CEP57: variants seen among roughly 807,000 people sequenced by gnomAD.
CEP57 encodes centrosomal protein of 57 kDa.
Under a neutral mutation model 68.0 loss-of-function variants are expected in CEP57, and 40 were observed. The ratio of observed to expected loss-of-function variants is 0.59; its 90% CI spans 0.46 to 0.77. The LOEUF (loss-of-function observed/expected upper bound fraction) is 0.77, where lower values mean the gene tolerates loss of function less well. Ranked by LOEUF, CEP57 falls within the 30% of genes least tolerant of loss-of-function variation. CEP57 has a pLI of 0.00. For missense variants in CEP57, 606 were observed against 580.7 expected, an observed-to-expected ratio of 1.04 and a Z score of -0.45; for synonymous variants, 219 against 198.7, an observed-to-expected ratio of 1.10 and a Z score of -0.86.
rs373588034 is a variant in CEP57, at chr11:95,829,265, G to A, written c.1206G>A (p.Glu402=). 1.3e-5 allele frequency: 21 copies of A among 1,613,912 alleles called. No homozygotes were observed. In the African/African-American group the frequency reaches 2.5e-4, roughly 20 times the overall value. The part of the protein sequence containing the change: ...ELKDKLECEL[E]ALVGRMEAKA... ...AAGACAAGTTGGAGTGTGAATTGGA[G>A]GCATTAGTGGGAAGGATGGAAGCAA... Residue 402 remains glutamate (E), a synonymous_variant, in exon 10 of 11, where the codon GAG becomes GAA. Transcript: ENST00000325542.
chr11:95,808,858 T>TA (rs1356828647), intron 2 of CEP57, among the ~76,000 whole-genome samples: 1 of 152,190 alleles, frequency 6.6e-6, no homozygotes, highest in Non-Finnish European at 1.5e-5. Flanking sequence ...GCGAACCTAA[T>TA]AGACATCTAC....
intron 8 of CEP57, 39 bp from the exon 9 acceptor site, chr11:95,827,747 T>C (rs1449164389): frequency 1.2e-6 from 2 of 1,612,304 alleles, no homozygotes; most frequent in African/African-American, 2.7e-5. Flanking sequence ...GTAGAGAATA[T>C]AACTTCAATT....
intron 9 of CEP57, 130 bp from the exon 10 acceptor site, chr11:95,829,057 A>AAT: frequency 1.0e-6 from 1 of 959,604 alleles, no homozygotes; most frequent in African/African-American, 1.6e-5. Context: ...AAAAAAAAAA[A>AAT]TTTATTGCTC....
rs1862050120 is a variant in CEP57 at position 95,811,323 on chromosome 11, T to C, written c.203-1609T>C. Among the ~76,000 whole-genome samples, 3 of 150,972 alleles carry C rather than the reference T, an allele frequency of 2.0e-5. 1 individual carries two copies. Among genetic ancestry groups the C allele is most frequent in the Middle Eastern group, 6.8e-3 (2 of 292 alleles). On this transcript the variant is annotated intron_variant, in intron 2 of 10. Transcript: ENST00000325542. The stretch of plus-strand genomic sequence containing the variant: ...GAAACCATCATTCTGAACAAACTAT[T>C]GCAAGGACAGAAAACCAGACACCAC...
upstream of CEP57, chr11:95,790,409 C>T: frequency 3.8e-6 from 2 of 526,154 alleles, no homozygotes; most frequent in Non-Finnish European, 6.8e-6. Context: ...CTTGTGACGT[C>T]ACCAGGGAAG....
At chr11:95,798,053 A>G (rs1004377891) in intron 1 of CEP57, among the ~76,000 whole-genome samples, 1 of 152,198 alleles carries the variant, frequency 6.6e-6, no homozygotes, top group African/African-American at 2.4e-5. Context: ...CCAATTTGCC[A>G]TTAAGTTTGG....
chr11:95,803,964 G>GATT (rs1022747720), intron 2 of CEP57, among the ~76,000 whole-genome samples: 73 of 151,934 alleles, frequency 4.8e-4, no homozygotes, highest in African/African-American at 1.7e-3. Context: ...CAGAAAAAGA[G>GATT]GTATATAAGT....
At chr11:95,806,497 C>T (rs1046234857) in intron 2 of CEP57, among the ~76,000 whole-genome samples, 2 of 152,178 alleles carry the variant, frequency 1.3e-5, no homozygotes, top group African/African-American at 2.4e-5. Context: ...ACACACAGTA[C>T]CTGGAAAATC....
chr11:95,831,029 G>A lies in CEP57; in HGVS notation c.1276G>A (p.Glu426Lys). Residue 426 changes from glutamate (E) to lysine (K), a missense_variant, in exon 11 of 11, where the codon GAG becomes AAG. Glu to Lys is a moderately conservative substitution (Grantham distance 56). Transcript: ENST00000325542. ...CTGCCTTGGTTATTTGGTATAGCTGGAGAAACAGAAGTTAGAGAAGCAGAA... is the reference window on the plus strand; with the variant it reads ...CTGCCTTGGTTATTTGGTATAGCTGAAGAAACAGAAGTTAGAGAAGCAGAA... ...TKVRKYQAQLEKQKLEKQKKE... is the reference protein window; with the variant it reads ...TKVRKYQAQLKKQKLEKQKKE... 6.2e-7 allele frequency: 1 copy of A among 1,608,262 alleles called. No individual in the cohort carries two copies. Among genetic ancestry groups the A allele is most frequent in the Non-Finnish European group, 8.5e-7 (1 of 1,175,110 alleles).
chr11:95,792,804 TTGG>T (rs1343795601), intron 1 of CEP57, among the ~76,000 whole-genome samples: 2 of 152,220 alleles, frequency 1.3e-5, no homozygotes, highest in African/African-American at 4.8e-5. Flanking sequence ...AGTTGGTTTC[TTGG>T]TGCGTAAGAA....
chr11:95,825,003 C>G (rs1306150223), intron 8 of CEP57, among the ~76,000 whole-genome samples: 2 of 152,152 alleles, frequency 1.3e-5, no homozygotes, highest in Non-Finnish European at 2.9e-5. Flanking sequence ...CTTTTTAATA[C>G]TAGGCATTGC....
chr11:95,812,765 T>G, intron 2 of CEP57, 167 bp from the exon 3 acceptor site: 1 of 692,750 alleles, frequency 1.4e-6, no homozygotes, highest in Non-Finnish European at 2.5e-6. Flanking sequence ...AATTGATTTT[T>G]TAAAAAACAA....
intron 1 of CEP57, chr11:95,794,206 C>G (rs757089782): frequency 5.1e-6 from 2 of 391,054 alleles, no homozygotes; most frequent in South Asian, 3.8e-5. Context: ...AGTGATTTTT[C>G]TTTTTTTTTT....
chr11:95,791,867 A>T (rs1482816272), intron 1 of CEP57, among the ~76,000 whole-genome samples: 1 of 152,198 alleles, frequency 6.6e-6, no homozygotes, highest in Non-Finnish European at 1.5e-5. Flanking sequence ...GAGAAGAAGT[A>T]ATACGGAGGT....
At chr11:95,797,383 G>C (rs1052397191) in intron 1 of CEP57, among the ~76,000 whole-genome samples, 1 of 152,074 alleles carries the variant, frequency 6.6e-6, no homozygotes, top group African/African-American at 2.4e-5. Context: ...GGCCAGGCTG[G>C]TCTCGAACTC....
At chr11:95,814,933 A>C (rs947188953) in intron 4 of CEP57, among the ~76,000 whole-genome samples, 1 of 152,190 alleles carries the variant, frequency 6.6e-6, no homozygotes, top group Non-Finnish European at 1.5e-5. Context: ...TATAACCTAC[A>C]CCCAATCTCA....
At chr11:95,814,357 ATTTTT>A (rs1170474932) in intron 4 of CEP57, among the ~76,000 whole-genome samples, 1 of 109,916 alleles carries the variant, frequency 9.1e-6, no homozygotes. Context: ...CCTTGTGTGT[ATTTTT>A]TTTTTTTTTT....
chr11:95,797,892 G>A (rs1286910528), intron 1 of CEP57, among the ~76,000 whole-genome samples: 1 of 152,182 alleles, frequency 6.6e-6, no homozygotes, highest in African/African-American at 2.4e-5. Flanking sequence ...TAGGATTCTG[G>A]TGGGTTGTAA....
At chr11:95,798,029 T>C (rs939638609) in intron 1 of CEP57, among the ~76,000 whole-genome samples, 1 of 152,228 alleles carries the variant, frequency 6.6e-6, no homozygotes, top group Non-Finnish European at 1.5e-5. Context: ...TCCAGTTACC[T>C]GTAAAACCAG....
Sources: gnomAD v4.1 joint callset for allele counts (sites outside exome capture counted in the v4.1 genomes callset) on GRCh38, gnomAD v4.1.1 for gene constraint, MANE v1.5 for transcripts, NCBI Gene and HGNC (gene_info 2026-07-23, HGNC 2026-07-21) for gene names.